Variants in TRIM2 observed in about 807,000 individuals in gnomAD.
The protein encoded by TRIM2 is tripartite motif containing 2.
A neutral mutation model predicts 75.2 loss-of-function variants in TRIM2; 20 were observed. The ratio of observed to expected loss-of-function variants is 0.27; its 90% CI spans 0.19 to 0.39. The LOEUF (loss-of-function observed/expected upper bound fraction) is 0.39, where lower values mean the gene tolerates loss of function less well. Ranked by LOEUF, TRIM2 falls within the 10% of genes least tolerant of loss-of-function variation. The probability of loss-of-function intolerance (pLI) is 1.00; values close to 1 mark genes in which losing one functional copy is unlikely to be tolerated. For synonymous variants in TRIM2, 373 were observed against 388.3 expected, an observed-to-expected ratio of 0.96 and a Z score of 0.46; for missense variants, 660 against 990.8, an observed-to-expected ratio of 0.67 and a Z score of 4.48.
At chr4:153,166,557 T>C (rs1187714089) in intron 1 of TRIM2, among the ~76,000 whole-genome samples, 1 of 151,478 alleles carries the variant, frequency 6.6e-6, no homozygotes, top group Non-Finnish European at 1.5e-5. Flanking sequence ...CTCTTTCTTT[T>C]TTTTTGGAGA....
intron 1 of TRIM2, among the ~76,000 whole-genome samples, chr4:153,173,399 C>T (rs1038149160): frequency 3.9e-5 from 6 of 152,000 alleles, no homozygotes; most frequent in Non-Finnish European, 2.9e-5. Context: ...CACAGTGGCT[C>T]ACACCTGTAA....
At chr4:153,167,762 A>G (rs1159072474) in intron 1 of TRIM2, among the ~76,000 whole-genome samples, 1 of 152,176 alleles carries the variant, frequency 6.6e-6, no homozygotes, top group Non-Finnish European at 1.5e-5. Flanking sequence ...GCAGGAGAAA[A>G]GAGCGCAGAC....
chr4:153,163,956 A>G (rs1016738241), intron 1 of TRIM2, among the ~76,000 whole-genome samples: 4 of 152,102 alleles, frequency 2.6e-5, no homozygotes, highest in African/African-American at 9.7e-5. Context: ...ACTGTTATTA[A>G]TGATATTAGC....
chr4:153,267,584 G>T (rs573162318), intron 1 of TRIM2, among the ~76,000 whole-genome samples: 1 of 152,218 alleles, frequency 6.6e-6, no homozygotes, highest in Non-Finnish European at 1.5e-5. Flanking sequence ...CCGGGAGGCG[G>T]AGCTTGCAGT....
intron 6 of TRIM2, among the ~76,000 whole-genome samples, chr4:153,300,259 C>CT (rs1382081371): frequency 4.6e-5 from 7 of 151,804 alleles, no homozygotes; most frequent in East Asian, 1.9e-4. Context: ...TATCTTTTGT[C>CT]TTTTTTTTGA....
chr4:153,239,832 C>CTTTTTTTTTTTTTTTTTTTTTTTTTT (rs142457664), intron 1 of TRIM2, among the ~76,000 whole-genome samples: 1 of 139,448 alleles, frequency 7.2e-6, no homozygotes. Context: ...AACTTTCTTT[C>CTTTTTTTTTTTTTTTTTTTTTTTTTT]TCTTTTTTTT....
At chr4:153,176,230 G>T (rs1731420766) in intron 1 of TRIM2, among the ~76,000 whole-genome samples, 1 of 151,792 alleles carries the variant, frequency 6.6e-6, no homozygotes, top group African/African-American at 2.4e-5. Context: ...GAGGCAGGCG[G>T]GTTACTTGAG....
rs948363483 is a variant in TRIM2 at position 153,339,052 on chromosome 4, C to A, written c.*4086C>A. On this transcript the variant is annotated 3_prime_UTR_variant, in exon 12 of 12. Coordinates refer to ENST00000338700, the MANE Select transcript of TRIM2 (RefSeq NM_015271.5). Reference sequence around the variant, plus strand: ...TGTATAGAACACTAAGTCTTGCACTCTCTGACATTGATACTGATATATTCT... The same window carrying A: ...TGTATAGAACACTAAGTCTTGCACTATCTGACATTGATACTGATATATTCT... 3 of 985,142 alleles carry A rather than the reference C, an allele frequency of 3.0e-6. No individual in the cohort carries two copies. The African/African-American group carries it at 5.3e-5, about 17-fold the overall frequency. The allele number at this position is 985,142 out of a possible 1,614,324, so 61.0% of individuals were successfully genotyped here.
At chr4:153,246,618 G>C (rs1047813819) in intron 1 of TRIM2, among the ~76,000 whole-genome samples, 1 of 152,216 alleles carries the variant, frequency 6.6e-6, no homozygotes, top group Admixed American at 6.5e-5. Context: ...TAGAAGCTAA[G>C]TTAAAAATCT....
intron 1 of TRIM2, among the ~76,000 whole-genome samples, chr4:153,266,576 C>T (rs550028754): frequency 2.6e-5 from 4 of 151,466 alleles, no homozygotes; most frequent in African/African-American, 9.7e-5. Context: ...CTCTTGACCT[C>T]GTGATCTGCC....
chr4:153,290,036 T>C (rs947038662), intron 3 of TRIM2, among the ~76,000 whole-genome samples: 3 of 152,228 alleles, frequency 2.0e-5, no homozygotes, highest in African/African-American at 7.2e-5. Context: ...TAAATGCTAT[T>C]CTAGTTATAT....
chr4:153,180,099 A>G (rs971049270), intron 1 of TRIM2, among the ~76,000 whole-genome samples: 2 of 152,162 alleles, frequency 1.3e-5, no homozygotes, highest in African/African-American at 4.8e-5. Flanking sequence ...AATGAAATGT[A>G]TTTGCTTTCT....
At chr4:153,321,764 A>G (rs763024733) in intron 8 of TRIM2, among the ~76,000 whole-genome samples, 1 of 152,208 alleles carries the variant, frequency 6.6e-6, no homozygotes, top group Non-Finnish European at 1.5e-5. Flanking sequence ...ATTATGATCT[A>G]TAACAATGAC....
In TRIM2 at chr4:153,295,285, G is replaced by A. The variant is rs374652165; in HGVS notation, c.787-28G>A. 3.9e-6 allele frequency: 6 copies of A among 1,544,274 alleles called. No homozygotes were observed. In the African/African-American group the frequency reaches 6.8e-5, roughly 18 times the overall value. ...GGCTAGGCCCCGCCCTGTGGGACGA[G>A]CTCACCAGGCCTCCGGTTTTCCCGC... is the stretch of plus-strand genomic sequence containing the variant. On this transcript the variant is annotated intron_variant, in intron 5 of 11. Transcript: ENST00000338700. The surrounding 1 kb of genome is among the most constrained non-coding windows in gnomAD (Gnocchi z 7.2).
intron 1 of TRIM2, among the ~76,000 whole-genome samples, chr4:153,235,505 C>G (rs559656557): frequency 6.6e-6 from 1 of 151,966 alleles, no homozygotes; most frequent in East Asian, 1.9e-4. Context: ...AGGCTGGTCT[C>G]GAACTCCTCA....
chr4:153,244,281 T>G (rs1300104979), intron 1 of TRIM2, among the ~76,000 whole-genome samples: 1 of 21,410 alleles, frequency 4.7e-5, no homozygotes, highest in Non-Finnish European at 8.5e-5. Context: ...CTCCTCCTCC[T>G]CCTCCTCCTC....
chr4:153,253,199 G>A (rs1044325248), intron 1 of TRIM2, among the ~76,000 whole-genome samples: 12 of 152,182 alleles, frequency 7.9e-5, no homozygotes, highest in African/African-American at 2.9e-4. Flanking sequence ...GGGGCAGGAG[G>A]CAGGAGAGGC....
intron 1 of TRIM2, among the ~76,000 whole-genome samples, chr4:153,174,607 C>T (rs1294534245): frequency 2.6e-5 from 4 of 152,142 alleles, no homozygotes; most frequent in African/African-American, 7.2e-5. Context: ...GAGAGCAGGG[C>T]GGTGATTTCA....
Position 153,239,832 on chromosome 4 carries a change from C to CT in TRIM2, c.31-30502dup, listed in dbSNP as rs142457664. Among the ~76,000 whole-genome samples the CT allele has an allele frequency of 5.4e-3, 754 of 139,390 alleles. 16 individuals are homozygous for CT. Among genetic ancestry groups the CT allele is most frequent in the African/African-American group, 0.019 (688 of 36,980 alleles). The allele number at this position is 139,390 out of a possible 152,430, so 91.4% of individuals were successfully genotyped here. A position where few individuals can be genotyped will look rare whatever the true frequency, so the allele number is the denominator to read the frequency against. On this transcript the variant is annotated intron_variant, in intron 1 of 11. Transcript: ENST00000338700. ...GCATGACAGCATCCTAACTTTCTTTCTCTTTTTTTTTTTTTTTTTTGTAAG... is the reference window on the plus strand; with the variant it reads ...GCATGACAGCATCCTAACTTTCTTTCTTCTTTTTTTTTTTTTTTTTTGTAAG...
Sources: gnomAD v4.1 joint callset for allele counts (sites outside exome capture counted in the v4.1 genomes callset) on GRCh38, gnomAD v4.1.1 for gene constraint, Gnocchi (gnomAD v3.1) non-coding constraint, MANE v1.5 for transcripts, NCBI Gene and HGNC (gene_info 2026-07-23, HGNC 2026-07-21) for gene names.